The following RBFOX3 variants were observed in gnomAD, a reference collection of about 807,000 sequenced individuals.
RBFOX3 encodes RNA binding protein fox-1 homolog 3.
In RBFOX3, 17 loss-of-function variants were observed where a neutral mutation model predicts 48.7. The ratio of observed to expected loss-of-function variants is 0.35; its 90% CI spans 0.24 to 0.52. The LOEUF is 0.52. Among genes scored for constraint, RBFOX3 ranks in the 20% least tolerant of loss-of-function variants. The pLI is 0.94. For synonymous variants in RBFOX3, 212 were observed against 209.5 expected (o/e 1.01, Z -0.10); for missense variants, 382 against 497.5 (o/e 0.77, Z 2.21).
intron 2 of RBFOX3, among the ~76,000 whole-genome samples, chr17:79,397,180 A>C (rs948849210): frequency 2.6e-5 from 4 of 152,170 alleles, no homozygotes; most frequent in African/African-American, 9.7e-5. Flanking sequence ...CAAATAAGTG[A>C]CTATCCTTTT....
chr17:79,092,323 G>A (rs2074084590), intron 14 of RBFOX3: 1 of 985,396 alleles, frequency 1.0e-6, no homozygotes, highest in African/African-American at 1.7e-5. Context: ...GGCTTGGGTA[G>A]TACAACATCA....
intron 3 of RBFOX3, among the ~76,000 whole-genome samples, chr17:79,265,025 C>T (rs896632924): frequency 6.6e-6 from 1 of 151,990 alleles, no homozygotes; most frequent in Non-Finnish European, 1.5e-5. Flanking sequence ...CTACAGAAAG[C>T]AGCCCATGCA....
intron 2 of RBFOX3, among the ~76,000 whole-genome samples, chr17:79,341,839 A>G (rs1038770858): frequency 6.6e-6 from 1 of 152,278 alleles, no homozygotes. Flanking sequence ...GCCAGGGCTA[A>G]GGGAAAAACA....
intron 2 of RBFOX3, among the ~76,000 whole-genome samples, chr17:79,464,395 A>G (rs1209700747): frequency 6.6e-6 from 1 of 152,246 alleles, no homozygotes; most frequent in Non-Finnish European, 1.5e-5. Flanking sequence ...AATACCGCCA[A>G]CTTGGGGAGG....
chr17:79,613,500 C>A (rs2145593293), upstream of RBFOX3, among the ~76,000 whole-genome samples: 1 of 152,294 alleles, frequency 6.6e-6, no homozygotes, highest in African/African-American at 2.4e-5. Context: ...ATTTTTAAAA[C>A]CTCTGATTTG....
Position 79,090,528 on chromosome 17 carries a change from A to C in RBFOX3, c.*355T>G. 1.8e-5 allele frequency: 5 copies of C among 284,280 alleles called. No individual in the cohort carries two copies. The highest frequency in any genetic ancestry group is 6.8e-5 in the East Asian group (1 of 14,798). 17.6% of individuals were successfully genotyped at this position (284,280 alleles called of 1,614,324 possible). On this transcript the variant is annotated 3_prime_UTR_variant, in exon 15 of 15. Coordinates refer to ENST00000693108, the MANE Select transcript of RBFOX3 (RefSeq NM_001350451.2). ...CTGTCTTGGGAGTTGGGGGCTGGGA[A>C]AGGAAGACTGGATGGAAAACAGAGC...
chr17:79,627,598 C>T, the RBFOX3 span, among the ~76,000 whole-genome samples: 1 of 152,186 alleles, frequency 6.6e-6, no homozygotes, highest in African/African-American at 2.4e-5. Context: ...CCGCGCCTCT[C>T]CAAGGATCCG....
At chr17:79,323,936 C>A (rs1275998145) in intron 2 of RBFOX3, among the ~76,000 whole-genome samples, 1 of 152,234 alleles carries the variant, frequency 6.6e-6, no homozygotes, top group African/African-American at 2.4e-5. Flanking sequence ...GGCTATTTTG[C>A]AAATCTTCAG....
chr17:79,352,201 G>A (rs1568092927), intron 2 of RBFOX3, among the ~76,000 whole-genome samples: 2 of 152,200 alleles, frequency 1.3e-5, no homozygotes, highest in East Asian at 3.8e-4. Context: ...GGGCCTGGTG[G>A]AAGGTGATTG....
At chr17:79,647,847 G>T in the RBFOX3 span, among the ~76,000 whole-genome samples, 1 of 152,146 alleles carries the variant, frequency 6.6e-6, no homozygotes, top group Admixed American at 6.5e-5. Context: ...CACCTCCAGG[G>T]CCAGTGCTGT....
At chr17:79,313,505 A>G (rs2077127692) in intron 2 of RBFOX3, among the ~76,000 whole-genome samples, 1 of 152,190 alleles carries the variant, frequency 6.6e-6, no homozygotes, top group Admixed American at 6.5e-5. Flanking sequence ...AGGCCCAACC[A>G]TCCAGGGCTC....
the RBFOX3 span, among the ~76,000 whole-genome samples, chr17:79,642,237 C>T: frequency 6.6e-6 from 1 of 151,996 alleles, no homozygotes; most frequent in African/African-American, 2.4e-5. Flanking sequence ...GAGGTGTTGG[C>T]CAAAGGACAT....
chr17:79,618,055 C>T, the RBFOX3 span, among the ~76,000 whole-genome samples: 75 of 152,336 alleles, frequency 4.9e-4, no homozygotes, highest in African/African-American at 1.7e-3. Context: ...ACCACTTGCA[C>T]GCCGTCCGTC....
intron 2 of RBFOX3, among the ~76,000 whole-genome samples, chr17:79,438,230 G>T (rs2070002709): frequency 6.6e-6 from 1 of 152,192 alleles, no homozygotes; most frequent in Non-Finnish European, 1.5e-5. Flanking sequence ...CCCTGCTCTG[G>T]CCCCTGAGCT....
intron 1 of RBFOX3, among the ~76,000 whole-genome samples, chr17:79,487,913 G>GA (rs60345819): frequency 0.28 from 21,712 of 76,986 alleles, 3,118 homozygotes; most frequent in Middle Eastern, 0.52. Flanking sequence ...CCCCATCTCA[G>GA]AAAAAAAAAA....
At position 79,482,928 on chromosome 17, in the gene RBFOX3, G is replaced by C. The variant is rs901777247; in HGVS notation, c.-319-330C>G. Among the ~76,000 whole-genome samples, 1 of 151,196 alleles carries C rather than the reference G, an allele frequency of 6.6e-6. No individual in the cohort carries two copies. The highest frequency in any genetic ancestry group is 1.5e-5 in the Non-Finnish European group (1 of 67,842). ...CCCAGGGACTCTTCCACCCCACCAC[G>C]CTGGCCCCTCCCCATCGCCTTTCCC... On this transcript the variant is annotated intron_variant, in intron 1 of 14. Transcript: ENST00000693108. This position sits in a 1 kb window ranked among gnomAD's most constrained non-coding sequence, Gnocchi z 4.1.
At chr17:79,321,291 A>T (rs2078485549) in intron 2 of RBFOX3, among the ~76,000 whole-genome samples, 1 of 152,290 alleles carries the variant, frequency 6.6e-6, no homozygotes, top group Middle Eastern at 3.4e-3. Flanking sequence ...GTCTGCACCA[A>T]CTTCTCAGTG....
At chr17:79,576,005 G>A (rs1425413897) in intron 1 of RBFOX3, among the ~76,000 whole-genome samples, 2 of 152,232 alleles carry the variant, frequency 1.3e-5, no homozygotes, top group African/African-American at 4.8e-5. Context: ...TAGGGATTAA[G>A]TCCAACATGA....
chr17:79,396,273 G>A (rs1463220616), intron 2 of RBFOX3, among the ~76,000 whole-genome samples: 1 of 152,186 alleles, frequency 6.6e-6, no homozygotes, highest in African/African-American at 2.4e-5. Flanking sequence ...GGGTGTGGCT[G>A]AGCTCAGAAC....
Sources: allele counts gnomAD v4.1 joint callset (sites outside exome capture counted in the v4.1 genomes callset), GRCh38; gene constraint gnomAD v4.1.1; non-coding constraint Gnocchi (gnomAD v3.1); transcripts MANE v1.5; gene names NCBI Gene and HGNC (gene_info 2026-07-23, HGNC 2026-07-21).